The following KLF7 variants were observed in gnomAD, a reference collection of about 807,000 sequenced individuals.
The protein encoded by KLF7 is KLF transcription factor 7, also known as Krueppel-like factor 7.
In KLF7, 2 loss-of-function variants were observed where a neutral mutation model predicts 27.3. The observed-to-expected ratio is 0.07, with a 90% CI of 0.03 to 0.23. The LOEUF (loss-of-function observed/expected upper bound fraction) is 0.23. Among genes scored for constraint, KLF7 ranks in the 10% least tolerant of loss-of-function variants. KLF7 has a pLI of 1.00. For missense variants in KLF7, 221 were observed against 394.1 expected (o/e 0.56, Z 3.72); for synonymous variants, 165 against 162.4 (o/e 1.02, Z -0.12).
chr2:207,132,452 T>C (rs1436641474), intron 1 of KLF7, among the ~76,000 whole-genome samples: 1 of 152,234 alleles, frequency 6.6e-6, no homozygotes, highest in African/African-American at 2.4e-5. Context: ...TCAAAACCTC[T>C]TCCATGTTTC....
chr2:207,169,328 A>T (rs2078770257), upstream of KLF7, among the ~76,000 whole-genome samples: 1 of 152,184 alleles, frequency 6.6e-6, no homozygotes, highest in Non-Finnish European at 1.5e-5. Context: ...AAAATTTAAT[A>T]TGTGAATACA....
rs2076216076 is a variant in KLF7, at chr2:207,078,619, C to CA, written c.*2593dup. 1 of 152,198 alleles carries CA rather than the reference C, an allele frequency of 6.6e-6. No individual in the cohort carries two copies. The highest frequency in any genetic ancestry group is 2.4e-5 in the African/African-American group (1 of 41,452). The allele number at this position is 152,198 out of a possible 1,614,324, so 9.4% of individuals were successfully genotyped here. On this transcript the variant is annotated 3_prime_UTR_variant, in exon 4 of 4. Transcript: ENST00000309446. The stretch of plus-strand genomic sequence containing the variant: ...CGTGGTGGCCATGGCTTAATGCCAT[C>CA]ACTGGCGTGTGCGTGCATTCATGCT...
At chr2:207,104,037 G>C (rs2076825580) in intron 2 of KLF7, among the ~76,000 whole-genome samples, 1 of 152,140 alleles carries the variant, frequency 6.6e-6, no homozygotes, top group Admixed American at 6.5e-5. Context: ...TCCAGAGGCT[G>C]GTGTTTCATT....
At chr2:207,125,935 T>C (rs2077465440) in intron 1 of KLF7, among the ~76,000 whole-genome samples, 1 of 152,162 alleles carries the variant, frequency 6.6e-6, no homozygotes, top group Non-Finnish European at 1.5e-5. Flanking sequence ...AAAAATAGTA[T>C]AAAATGTGTT....
At chr2:207,160,567 G>C (rs2078517386) in intron 1 of KLF7, among the ~76,000 whole-genome samples, 1 of 145,238 alleles carries the variant, frequency 6.9e-6, no homozygotes, top group South Asian at 2.4e-4. Flanking sequence ...GAGCCAGATG[G>C]GACTGGCCAG....
Position 207,099,138 on chromosome 2 carries a change from G to A in KLF7, c.734-10557C>T, listed in dbSNP as rs370125116. Reference sequence around the variant, plus strand: ...TCAATTCCAGAGGTTGGCAAAAGGTGTACAACTCCTAGTGAGTATAGCCAA... The same window carrying A: ...TCAATTCCAGAGGTTGGCAAAAGGTATACAACTCCTAGTGAGTATAGCCAA... On this transcript the variant is annotated intron_variant, in intron 2 of 3. Transcript: ENST00000309446. Among the ~76,000 whole-genome samples, 7 of 152,230 alleles carry A rather than the reference G, an allele frequency of 4.6e-5. No homozygotes were observed. The East Asian group carries it at 7.7e-4, about 17-fold the overall frequency.
Position 207,080,680 on chromosome 2 carries a change from G to C in KLF7, c.*533C>G. On this transcript the variant is annotated 3_prime_UTR_variant, in exon 4 of 4. Coordinates refer to ENST00000309446, the MANE Select transcript of KLF7 (RefSeq NM_003709.4). ...GACAAATAAACCAAGAGTTAATTTTGGCTACCAAACTGCAATTTGGTTTTC... is the reference window on the plus strand; with the variant it reads ...GACAAATAAACCAAGAGTTAATTTTCGCTACCAAACTGCAATTTGGTTTTC... 3 of 397,246 alleles carry C rather than the reference G, an allele frequency of 7.6e-6. No individual in the cohort carries two copies. Among genetic ancestry groups the C allele is most frequent in the Non-Finnish European group, 1.3e-5 (3 of 225,566 alleles). 24.6% of individuals were successfully genotyped at this position (397,246 alleles called of 1,614,324 possible).
intron 1 of KLF7, among the ~76,000 whole-genome samples, chr2:207,162,000 G>A (rs936127598): frequency 1.3e-5 from 2 of 152,098 alleles, no homozygotes; most frequent in African/African-American, 2.4e-5. Flanking sequence ...TCAATGACAC[G>A]ACGCAAAGCT....
upstream of KLF7, chr2:207,166,032 TCCCTC>T: frequency 3.5e-6 from 1 of 282,066 alleles, no homozygotes; most frequent in Non-Finnish European, 4.4e-6. Context: ...CCCCTTCCCT[TCCCTC>T]CCCACCCCCC....
At position 207,080,198 on chromosome 2, in the gene KLF7, T is replaced by C. The variant is rs1050688996; in HGVS notation, c.*1015A>G. The stretch of plus-strand genomic sequence containing the variant: ...GACTGGCTGCTTCGAGAGCTGGACA[T>C]CCAGGTGCCGAGAGAGTCCTGGAGA... On this transcript the variant is annotated 3_prime_UTR_variant, in exon 4 of 4. Coordinates refer to ENST00000309446, the MANE Select transcript of KLF7 (RefSeq NM_003709.4). 2.6e-5 allele frequency: 4 copies of C among 152,162 alleles called. No homozygotes were observed. The highest frequency in any genetic ancestry group is 9.7e-5 in the African/African-American group (4 of 41,432). The allele number at this position is 152,162 out of a possible 1,614,324, so 9.4% of individuals were successfully genotyped here.
rs139484480 is a variant in KLF7, at chr2:207,076,239, T to A, written c.*4974A>T. 1 of 152,042 alleles carries A rather than the reference T, an allele frequency of 6.6e-6. No individual in the cohort carries two copies. Among genetic ancestry groups the A allele is most frequent in the Non-Finnish European group, 1.5e-5 (1 of 68,016 alleles). The allele number at this position is 152,042 out of a possible 1,614,324, so 9.4% of individuals were successfully genotyped here. A position where few individuals can be genotyped will look rare whatever the true frequency, so the allele number is the denominator to read the frequency against. On this transcript the variant is annotated 3_prime_UTR_variant, in exon 4 of 4. Coordinates refer to ENST00000309446, the MANE Select transcript of KLF7 (RefSeq NM_003709.4). ...AAGCTGGACTCACAGCAAGTTACGA[T>A]TCCAAAGCTCACAGTTGAAAAAAAA...
intron 1 of KLF7, among the ~76,000 whole-genome samples, chr2:207,135,668 T>C (rs1482524640): frequency 1.3e-5 from 2 of 152,030 alleles, no homozygotes; most frequent in Non-Finnish European, 2.9e-5. Context: ...GATTCAAGAG[T>C]ATCATGAAAG....
At chr2:207,111,693 C>T (rs916707362) in intron 2 of KLF7, among the ~76,000 whole-genome samples, 1 of 152,138 alleles carries the variant, frequency 6.6e-6, no homozygotes, top group African/African-American at 2.4e-5. Context: ...GCTTGTATGC[C>T]TGCACTCTCA....
chr2:207,149,856 T>C (rs2078193892), intron 1 of KLF7, among the ~76,000 whole-genome samples: 1 of 152,194 alleles, frequency 6.6e-6, no homozygotes, highest in South Asian at 2.1e-4. Flanking sequence ...TACTGCTCTG[T>C]CATTCTGACC....
upstream of KLF7, among the ~76,000 whole-genome samples, chr2:207,167,832 T>C (rs1457672764): frequency 6.6e-6 from 1 of 152,208 alleles, no homozygotes; most frequent in Non-Finnish European, 1.5e-5. Context: ...AGAGTCAAAA[T>C]ATCTTTGGTA....
At chr2:207,095,762 C>G (rs975597801) in intron 2 of KLF7, among the ~76,000 whole-genome samples, 7 of 152,030 alleles carry the variant, frequency 4.6e-5, no homozygotes, top group Admixed American at 6.6e-5. Context: ...TGGAAACATA[C>G]AATACACACT....
chr2:207,081,315 G>T (rs1432966372), intron 3 of KLF7, 51 bp from the exon 4 acceptor site: 3 of 1,401,418 alleles, frequency 2.1e-6, no homozygotes, highest in Non-Finnish European at 3.0e-6. Context: ...CAAACAGCTT[G>T]ACTTGCATCA....
intron 2 of KLF7, among the ~76,000 whole-genome samples, chr2:207,119,806 C>T (rs554002134): frequency 3.3e-5 from 5 of 152,226 alleles, no homozygotes; most frequent in East Asian, 1.9e-4. Flanking sequence ...TGGGGTCAAG[C>T]GATTCTCCTG....
chr2:207,134,248 C>A (rs1559150159), intron 1 of KLF7: 1 of 764,568 alleles, frequency 1.3e-6, no homozygotes, highest in Non-Finnish European at 2.0e-6. Flanking sequence ...ATTAATATAC[C>A]CTTCCCCTAC....
Sources: gnomAD v4.1 joint callset for allele counts (sites outside exome capture counted in the v4.1 genomes callset) on GRCh38, gnomAD v4.1.1 for gene constraint, MANE v1.5 for transcripts, NCBI Gene and HGNC (gene_info 2026-07-23, HGNC 2026-07-21) for gene names.